Variants in CTNNA2 observed in about 807,000 individuals in gnomAD.
CTNNA2 encodes the protein catenin alpha-2.
CTNNA2 carries 42 observed loss-of-function variants against 101.0 expected under a neutral mutation model. That is an observed-to-expected ratio of 0.42 (90% CI 0.32 to 0.54). CTNNA2 has a LOEUF of 0.54. CTNNA2 is among the 20% of genes least tolerant of loss of function. CTNNA2 has a pLI of 0.14. For missense variants in CTNNA2, 871 were observed against 1,223.1 expected, an observed-to-expected ratio of 0.71 and a Z score of 4.29; for synonymous variants, 450 against 456.4, an observed-to-expected ratio of 0.99 and a Z score of 0.18.
At chr2:80,523,441 G>T (rs866107693) in intron 9 of CTNNA2, among the ~76,000 whole-genome samples, 1 of 152,202 alleles carries the variant, frequency 6.6e-6, no homozygotes, top group Non-Finnish European at 1.5e-5. Flanking sequence ...AAATGTTAGT[G>T]ATTTGGTGAT....
At chr2:80,602,063 G>A (rs1299054658) in intron 15 of CTNNA2, 4 of 151,890 alleles carry the variant, frequency 2.6e-5, no homozygotes, top group Admixed American at 6.6e-5. Flanking sequence ...TTCCCCAACT[G>A]GAAAATGAGA....
At chr2:79,766,389 G>T (rs1673157419) in intron 3 of CTNNA2, among the ~76,000 whole-genome samples, 1 of 152,136 alleles carries the variant, frequency 6.6e-6, no homozygotes, top group African/African-American at 2.4e-5. Flanking sequence ...TGAAAAGTCT[G>T]CTGCCAGATG....
intron 1 of CTNNA2, among the ~76,000 whole-genome samples, chr2:79,617,096 G>T (rs979469162): frequency 6.6e-6 from 1 of 151,950 alleles, no homozygotes; most frequent in African/African-American, 2.4e-5. Flanking sequence ...TAGAGACGGG[G>T]TTTCACCATG....
chr2:79,463,421 C>T (rs1387501706), intron 4 of CTNNA2, among the ~76,000 whole-genome samples: 2 of 150,610 alleles, frequency 1.3e-5, no homozygotes, highest in Non-Finnish European at 3.0e-5. Context: ...AAAAGAAAGT[C>T]CTGCTCCTGA....
chr2:79,903,501 C>T (rs535704013), intron 6 of CTNNA2, among the ~76,000 whole-genome samples: 3 of 152,120 alleles, frequency 2.0e-5, no homozygotes, highest in Admixed American at 6.5e-5. Context: ...GCAGAGAAGT[C>T]GCTTCAGAAC....
intron 3 of CTNNA2, among the ~76,000 whole-genome samples, chr2:79,325,256 C>A (rs1244484748): frequency 6.6e-6 from 1 of 152,110 alleles, no homozygotes; most frequent in Non-Finnish European, 1.5e-5. Context: ...AGGCTCAGAT[C>A]TTATAGGCGA....
intron 2 of CTNNA2, among the ~76,000 whole-genome samples, chr2:79,280,701 G>GAGAGAGAGAGAGAGAGAGAC (rs142826852): frequency 2.7e-5 from 4 of 147,256 alleles, no homozygotes; most frequent in East Asian, 2.0e-4. Flanking sequence ...GAGAGAGAGA[G>GAGAGAGAGAGAGAGAGAGAC]ACCTATAGCT....
intron 7 of CTNNA2, among the ~76,000 whole-genome samples, chr2:80,389,044 T>C (rs1677266295): frequency 6.6e-6 from 1 of 152,218 alleles, no homozygotes; most frequent in African/African-American, 2.4e-5. Flanking sequence ...GAGAGAACTT[T>C]TTCTTTAGGG....
intron 7 of CTNNA2, among the ~76,000 whole-genome samples, chr2:80,163,500 T>G (rs1704468529): frequency 6.6e-6 from 1 of 152,126 alleles, no homozygotes; most frequent in Non-Finnish European, 1.5e-5. Flanking sequence ...TTTTAATTTG[T>G]TGATGCTGGT....
At chr2:79,617,180 G>C (rs974707989) in intron 1 of CTNNA2, among the ~76,000 whole-genome samples, 2 of 152,230 alleles carry the variant, frequency 1.3e-5, no homozygotes, top group Middle Eastern at 3.4e-3. Context: ...GGGATTACAG[G>C]TGTGAGCCAT....
At chr2:80,458,217 A>G (rs7560190) in intron 9 of CTNNA2, among the ~76,000 whole-genome samples, 23 of 152,018 alleles carry the variant, frequency 1.5e-4, no homozygotes, top group Non-Finnish European at 2.8e-4. Flanking sequence ...TCAGTTGATA[A>G]GTTACCTCTG....
At chr2:80,337,812 C>T (rs1331021071) in intron 7 of CTNNA2, among the ~76,000 whole-genome samples, 1 of 152,138 alleles carries the variant, frequency 6.6e-6, no homozygotes, top group Non-Finnish European at 1.5e-5. Flanking sequence ...AAGGTAGAGA[C>T]AAGTCATAGG....
At chr2:80,561,209 A>T (rs1693561831) in intron 12 of CTNNA2, among the ~76,000 whole-genome samples, 1 of 152,182 alleles carries the variant, frequency 6.6e-6, no homozygotes, top group Non-Finnish European at 1.5e-5. Context: ...TGGGAAGACA[A>T]ACTATTAAGT....
intron 2 of CTNNA2, among the ~76,000 whole-genome samples, chr2:79,259,419 A>T (rs1362181596): frequency 6.6e-6 from 1 of 152,228 alleles, no homozygotes; most frequent in East Asian, 1.9e-4. Context: ...ATGAATCAAT[A>T]GAAAGAACCC....
intron 15 of CTNNA2, among the ~76,000 whole-genome samples, chr2:80,591,480 C>CTTTTTTTTTTTTTTTTTTTTT (rs1473500318): frequency 8.9e-5 from 3 of 33,538 alleles, no homozygotes; most frequent in Middle Eastern, 0.016. Flanking sequence ...TTTTTTTTTG[C>CTTTTTTTTTTTTTTTTTTTTT]AAACAGACAG....
chr2:79,497,971 T>C (rs1417824267), intron 4 of CTNNA2: 1 of 152,232 alleles, frequency 6.6e-6, no homozygotes, highest in Non-Finnish European at 1.5e-5. Flanking sequence ...TCTATTTTTG[T>C]TGTTTTTTAG....
intron 4 of CTNNA2, among the ~76,000 whole-genome samples, chr2:79,375,410 A>G (rs1041364870): frequency 1.1e-4 from 16 of 152,180 alleles, no homozygotes; most frequent in African/African-American, 3.1e-4. Flanking sequence ...GCTTTTCGCC[A>G]TCGTTCCTTC....
intron 7 of CTNNA2, among the ~76,000 whole-genome samples, chr2:79,953,413 C>T (rs1393992656): frequency 6.6e-6 from 1 of 152,220 alleles, no homozygotes; most frequent in African/African-American, 2.4e-5. Context: ...CTCCTGTCCT[C>T]ATGAAGGCAG....
chr2:80,081,698 A>G (rs565487478), intron 7 of CTNNA2, among the ~76,000 whole-genome samples: 16 of 149,816 alleles, frequency 1.1e-4, no homozygotes, highest in African/African-American at 3.4e-4. Context: ...TTTTTTCTCT[A>G]TTTTCCATCC....
Sources: gnomAD v4.1 joint callset for allele counts (sites outside exome capture counted in the v4.1 genomes callset) on GRCh38, gnomAD v4.1.1 for gene constraint, MANE v1.5 for transcripts, NCBI Gene and HGNC (gene_info 2026-07-23, HGNC 2026-07-21) for gene names.